GSN: variants seen among roughly 807,000 people sequenced by gnomAD.
GSN encodes actin-depolymerizing factor.
GSN carries 56 observed loss-of-function variants against 85.7 expected under a neutral mutation model. The observed-to-expected ratio is 0.65, with a 90% CI of 0.53 to 0.82. The LOEUF is 0.82. Ranked by LOEUF, GSN falls within the 40% of genes least tolerant of loss-of-function variation. GSN has a pLI of 0.00. For missense variants in GSN, 857 were observed against 979.8 expected, an observed-to-expected ratio of 0.87 and a Z score of 1.67; for synonymous variants, 373 against 399.1, an observed-to-expected ratio of 0.93 and a Z score of 0.78.
intron 1 of GSN, among the ~76,000 whole-genome samples, chr9:121,273,368 G>C (rs1207729368): frequency 2.6e-5 from 4 of 152,138 alleles, no homozygotes; most frequent in African/African-American, 4.8e-5. Flanking sequence ...GCTGAGCTGG[G>C]TTTTGGTGGG....
In GSN at chr9:121,301,959, C is replaced by A. The variant is rs1350150858; in HGVS notation, c.-9-4C>A. 1 of 1,614,184 alleles carries A rather than the reference C, an allele frequency of 6.2e-7. No homozygotes were observed. The highest frequency in any genetic ancestry group is 1.7e-5 in the Admixed American group (1 of 60,034). On this transcript the variant is annotated splice_region_variant and splice_polypyrimidine_tract_variant and intron_variant, in intron 2 of 17. Transcript: ENST00000432226. ...CGCTTAGGCTCTGCCCTGTCTCATC[C>A]CAGCCCAACAGCATGGTGGTGGAAC... is the stretch of plus-strand genomic sequence containing the variant.
intron 4 of GSN, among the ~76,000 whole-genome samples, chr9:121,213,388 CCACCAG>C (rs1004721654): frequency 6.6e-6 from 1 of 152,222 alleles, no homozygotes; most frequent in African/African-American, 2.4e-5. Flanking sequence ...CAGGCGTGCT[CCACCAG>C]AGGGCGCAGC....
In GSN at chr9:121,227,776, T is replaced by G. The variant is rs564281727; in HGVS notation, c.-527-3389T>G. Among the ~76,000 whole-genome samples the G allele has an allele frequency of 1.0e-3, 157 of 151,932 alleles. 1 individual carries two copies. The highest frequency in any genetic ancestry group is 2.2e-3 in the Admixed American group (34 of 15,252). ...TAGATACACACTTCGGTTTTTTGGG[T>G]TTTTTTTCTATATTTAATACCTGGG... On this transcript the variant is annotated intron_variant, in intron 4 of 24. Transcript: ENST00000373823.
intron 4 of GSN, among the ~76,000 whole-genome samples, chr9:121,217,677 G>A (rs2132096846): frequency 6.6e-6 from 1 of 151,870 alleles, no homozygotes; most frequent in Middle Eastern, 3.4e-3. Context: ...TGAGGTACTG[G>A]GGGTTAGGAC....
chr9:121,240,091 G>C (rs1200027624), intron 5 of GSN: 2 of 152,616 alleles, frequency 1.3e-5, no homozygotes, highest in Non-Finnish European at 2.9e-5. Context: ...TCTTGACATA[G>C]CATTTTCCCT....
chr9:121,299,879 C>CT lies in GSN; in HGVS notation c.-9-2084_-9-2083insT. 1 of 1,324,290 alleles carries CT rather than the reference C, an allele frequency of 7.6e-7. No individual in the cohort carries two copies. Among genetic ancestry groups the CT allele is most frequent in the Non-Finnish European group, 9.7e-7 (1 of 1,028,834 alleles). The allele number at this position is 1,324,290 out of a possible 1,614,324, so 82.0% of individuals were successfully genotyped here. A position where few individuals can be genotyped will look rare whatever the true frequency, so the allele number is the denominator to read the frequency against. ...TCGCCACCATGGCTCCGCACCGCCCCGCGCCCGCGCTGCTTTGCGCGCTGT... is the reference window on the plus strand; with the variant it reads ...TCGCCACCATGGCTCCGCACCGCCCCTGCGCCCGCGCTGCTTTGCGCGCTGT... On this transcript the variant is annotated intron_variant, in intron 2 of 17. Transcript: ENST00000432226. The surrounding 1 kb of genome is among the most constrained non-coding windows in gnomAD (Gnocchi z 4.2).
Position 121,318,959 on chromosome 9 carries a change from A to C in GSN, c.1191+79A>C. 1 of 1,199,800 alleles carries C rather than the reference A, an allele frequency of 8.3e-7. No individual in the cohort carries two copies. Among genetic ancestry groups the C allele is most frequent in the Middle Eastern group, 2.5e-4 (1 of 4,072 alleles). The allele number at this position is 1,199,800 out of a possible 1,614,324, so 74.3% of individuals were successfully genotyped here. A position where few individuals can be genotyped will look rare whatever the true frequency, so the allele number is the denominator to read the frequency against. On this transcript the variant is annotated intron_variant, in intron 10 of 17. Coordinates refer to ENST00000432226, the MANE Select transcript of GSN (RefSeq NM_198252.3). This position sits in a 1 kb window ranked among gnomAD's most constrained non-coding sequence, Gnocchi z 4.3. The stretch of plus-strand genomic sequence containing the variant: ...TGCACTGCCTCTTGCTTCCCCAAGG[A>C]GGTTTCTCTCTGAGGTTTGCACAAC...
intron 7 of GSN, among the ~76,000 whole-genome samples, chr9:121,315,341 A>G (rs2061591952): frequency 6.6e-6 from 1 of 152,190 alleles, no homozygotes; most frequent in African/African-American, 2.4e-5. Flanking sequence ...GGACATTAGG[A>G]TGTTCCACCT....
At chr9:121,293,485 A>T (rs1261507217) in intron 2 of GSN, among the ~76,000 whole-genome samples, 2 of 151,830 alleles carry the variant, frequency 1.3e-5, no homozygotes, top group Admixed American at 6.6e-5. Flanking sequence ...GCGGTGGTTC[A>T]CACCTGTAAT....
chr9:121,271,054 TG>T (rs2055868523), intron 1 of GSN, among the ~76,000 whole-genome samples: 1 of 152,182 alleles, frequency 6.6e-6, no homozygotes, highest in African/African-American at 2.4e-5. Context: ...GGAGAGATGT[TG>T]GTTTGCATGA....
At chr9:121,310,429 G>A (rs1251171487) in intron 4 of GSN, 2 of 519,542 alleles carry the variant, frequency 3.8e-6, no homozygotes, top group Admixed American at 3.1e-5. Flanking sequence ...GCAGTGGGCA[G>A]GGAATCTCTC....
At chr9:121,280,863 C>A (rs1183881405) in intron 1 of GSN, 1 of 152,176 alleles carries the variant, frequency 6.6e-6, no homozygotes, top group Non-Finnish European at 1.5e-5. Context: ...TGAATTCAGC[C>A]ATGCAATAGG....
chr9:121,332,407 T>C lies in GSN; in HGVS notation c.2027-27T>C. 6.2e-7 allele frequency: 1 copy of C among 1,610,824 alleles called. No individual in the cohort carries two copies. The highest frequency in any genetic ancestry group is 8.5e-7 in the Non-Finnish European group (1 of 1,176,990). On this transcript the variant is annotated intron_variant, in intron 17 of 17. Transcript: ENST00000432226. This position sits in a 1 kb window ranked among gnomAD's most constrained non-coding sequence, Gnocchi z 4.8. ...GGGAGGCACTAAGAATTCCTGGGGT[T>C]TCCTTTTCTTGCACGTGTGTCTGCA...
intron 4 of GSN, among the ~76,000 whole-genome samples, chr9:121,226,830 C>G (rs1319086982): frequency 6.6e-6 from 1 of 152,178 alleles, no homozygotes; most frequent in African/African-American, 2.4e-5. Context: ...AGAAGCTTGG[C>G]GCTTTCAGCC....
At chr9:121,326,898 T>C (rs1287270405) in intron 13 of GSN, 2 of 716,800 alleles carry the variant, frequency 2.8e-6, no homozygotes, top group African/African-American at 1.7e-5. Context: ...CTTTGCACAG[T>C]GGACAGCTCA....
At chr9:121,262,764 A>T (rs982767105) in intron 6 of GSN, among the ~76,000 whole-genome samples, 15 of 152,358 alleles carry the variant, frequency 9.8e-5, no homozygotes, top group African/African-American at 3.6e-4. Flanking sequence ...TCATTAAAAT[A>T]GTGGGACAAA....
At chr9:121,201,739 CGA>C in the GSN span, 1 of 152,844 alleles carries the variant, frequency 6.5e-6, no homozygotes. Context: ...CGGGGGCGGT[CGA>C]CCGAGGCGCC....
chr9:121,278,193 C>T (rs1225823227), intron 1 of GSN, among the ~76,000 whole-genome samples: 1 of 152,154 alleles, frequency 6.6e-6, no homozygotes, highest in South Asian at 2.1e-4. Flanking sequence ...ATTACTTCAC[C>T]TCTCTGAGCT....
intron 6 of GSN, among the ~76,000 whole-genome samples, chr9:121,259,954 A>G (rs1012389880): frequency 1.3e-5 from 2 of 152,204 alleles, no homozygotes; most frequent in African/African-American, 4.8e-5. Context: ...CCCCATCCCT[A>G]CAGGGGGACA....
Sources: allele counts gnomAD v4.1 joint callset (sites outside exome capture counted in the v4.1 genomes callset), GRCh38; gene constraint gnomAD v4.1.1; non-coding constraint Gnocchi (gnomAD v3.1); transcripts MANE v1.5; gene names NCBI Gene and HGNC (gene_info 2026-07-23, HGNC 2026-07-21).